CRX: variants seen among roughly 807,000 people sequenced by gnomAD.
The protein encoded by CRX is cone-rod homeobox.
In CRX, 5 loss-of-function variants were observed where a neutral mutation model predicts 13.1. The ratio of observed to expected loss-of-function variants is 0.38; its 90% CI spans 0.20 to 0.80. The LOEUF is 0.80. Ranked by LOEUF, CRX falls within the 30% of genes least tolerant of loss-of-function variation. CRX has a pLI of 0.43. For missense variants in CRX, 351 were observed against 391.8 expected, an observed-to-expected ratio of 0.90 and a Z score of 0.88; for synonymous variants, 179 against 171.1, an observed-to-expected ratio of 1.05 and a Z score of -0.36.
At chr19:47,827,855 A>T (rs939654874) in intron 1 of CRX, among the ~76,000 whole-genome samples, 6 of 96,994 alleles carry the variant, frequency 6.2e-5, no homozygotes, top group Non-Finnish European at 1.5e-4. Context: ...AAAAAAAAAA[A>T]AAAAAAAAAA....
intron 1 of CRX, among the ~76,000 whole-genome samples, chr19:47,822,960 T>C (rs1451322605): frequency 6.6e-6 from 1 of 150,422 alleles, no homozygotes; most frequent in Non-Finnish European, 1.5e-5. Flanking sequence ...TGCCCAGCTA[T>C]TTTTTGTATT....
chr19:47,834,415 T>C lies in CRX; in HGVS notation c.-29T>C. The C allele has an allele frequency of 6.5e-7, 1 of 1,545,108 alleles. No individual in the cohort carries two copies. The highest frequency in any genetic ancestry group is 9.0e-7 in the Non-Finnish European group (1 of 1,117,098). On this transcript the variant is annotated 5_prime_UTR_variant, in exon 2 of 4. Coordinates refer to ENST00000221996, the MANE Select transcript of CRX (RefSeq NM_000554.6). The stretch of plus-strand genomic sequence containing the variant: ...CCCTCCTCTTCTCTTGCAGGCCCCC[T>C]GACTTGGGCCTCAGTGTCCCCGAAG...
At chr19:47,828,467 G>A (rs1048044228) in intron 1 of CRX, among the ~76,000 whole-genome samples, 11 of 151,984 alleles carry the variant, frequency 7.2e-5, no homozygotes, top group African/African-American at 2.7e-4. Context: ...ATATTTATTG[G>A]GGGTGCTGGG....
intron 1 of CRX, among the ~76,000 whole-genome samples, chr19:47,828,102 C>T (rs1370269736): frequency 2.0e-5 from 3 of 151,132 alleles, no homozygotes; most frequent in Non-Finnish European, 4.4e-5. Context: ...TGCAGTGAGC[C>T]GAGATCAAGC....
chr19:47,836,434 G>T, intron 3 of CRX, 40 bp downstream of exon 3: 3 of 1,613,860 alleles, frequency 1.9e-6, no homozygotes, highest in Non-Finnish European at 2.5e-6. Flanking sequence ...GACACTTCCT[G>T]TGATCTCAGG....
chr19:47,836,029 G>A (rs991972245), intron 2 of CRX, among the ~76,000 whole-genome samples: 6 of 152,156 alleles, frequency 3.9e-5, no homozygotes, highest in Admixed American at 6.6e-5. Context: ...AAAACGACTC[G>A]CACACCTCCT....
Position 47,836,234 on chromosome 19 carries a change from C to G in CRX, c.101-9C>G. The G allele has an allele frequency of 6.2e-7, 1 of 1,614,140 alleles. No individual in the cohort carries two copies. Among genetic ancestry groups the G allele is most frequent in the South Asian group, 1.1e-5 (1 of 91,086 alleles). On this transcript the variant is annotated splice_polypyrimidine_tract_variant and intron_variant, in intron 2 of 3. Transcript: ENST00000221996. The stretch of plus-strand genomic sequence containing the variant: ...TGACCTGAGGGTCCTGTTTCCCATC[C>G]CACCCCAGGCGCCCCCAGGAAGCAG...
At chr19:47,822,621 A>C (rs898022511) in intron 1 of CRX, among the ~76,000 whole-genome samples, 2 of 152,184 alleles carry the variant, frequency 1.3e-5, no homozygotes, top group African/African-American at 4.8e-5. Context: ...CGAGAGAGCC[A>C]GGAATGTGAT....
chr19:47,832,126 G>C (rs1412963058), intron 1 of CRX, among the ~76,000 whole-genome samples: 2 of 31,288 alleles, frequency 6.4e-5, no homozygotes, highest in African/African-American at 1.1e-4. Flanking sequence ...TTTTTTTTGA[G>C]ACGGAGTCTC....
At chr19:47,825,008 T>TTTG (rs1555800861) in intron 1 of CRX, among the ~76,000 whole-genome samples, 1 of 149,042 alleles carries the variant, frequency 6.7e-6, no homozygotes, top group African/African-American at 2.5e-5. Context: ...TTTTTTTTTT[T>TTTG]GGGATGGAGT....
chr19:47,828,470 G>A (rs1968003339), intron 1 of CRX, among the ~76,000 whole-genome samples: 2 of 152,052 alleles, frequency 1.3e-5, no homozygotes, highest in Admixed American at 1.3e-4. Context: ...TTTATTGGGG[G>A]TGCTGGGGAC....
intron 2 of CRX, 51 bp downstream of exon 2, chr19:47,834,594 G>A (rs1968093987): frequency 6.8e-7 from 1 of 1,460,238 alleles, no homozygotes; most frequent in Non-Finnish European, 9.6e-7. Context: ...ATCTCTTGGA[G>A]GACCTCTGGG....
At chr19:47,822,736 G>A (rs1967927365) in intron 1 of CRX, among the ~76,000 whole-genome samples, 1 of 152,100 alleles carries the variant, frequency 6.6e-6, no homozygotes, top group East Asian at 1.9e-4. Flanking sequence ...GAATCCTCAC[G>A]CCCCCGCCCT....
chr19:47,828,492 C>T (rs1318735580), intron 1 of CRX, among the ~76,000 whole-genome samples: 3 of 151,782 alleles, frequency 2.0e-5, no homozygotes, highest in Non-Finnish European at 2.9e-5. Context: ...TGGCAGGAAC[C>T]GAGATATTAC....
chr19:47,835,717 G>A (rs1283140968), intron 2 of CRX, among the ~76,000 whole-genome samples: 1 of 150,870 alleles, frequency 6.6e-6, no homozygotes, highest in African/African-American at 2.5e-5. Flanking sequence ...TGCCTTCTGG[G>A]TTCAAGCGAT....
chr19:47,828,939 C>CAA (rs1968011031), intron 1 of CRX, among the ~76,000 whole-genome samples: 1 of 118,424 alleles, frequency 8.4e-6, no homozygotes, highest in African/African-American at 3.4e-5. Flanking sequence ...CACACACACA[C>CAA]ACAATTAAAA....
intron 2 of CRX, among the ~76,000 whole-genome samples, chr19:47,835,320 A>T (rs1024559150): frequency 1.3e-5 from 2 of 151,554 alleles, no homozygotes; most frequent in Non-Finnish European, 2.9e-5. Flanking sequence ...AGCCTCCCAA[A>T]GTGCTGGGAT....
intron 1 of CRX, among the ~76,000 whole-genome samples, chr19:47,826,514 A>T (rs571038999): frequency 2.0e-5 from 3 of 152,252 alleles, no homozygotes; most frequent in Admixed American, 6.5e-5. Flanking sequence ...CTGAGGTGGG[A>T]GGATGGCTTG....
intron 1 of CRX, among the ~76,000 whole-genome samples, chr19:47,832,355 C>T (rs1461886675): frequency 4.0e-5 from 6 of 151,282 alleles, no homozygotes; most frequent in African/African-American, 1.5e-4. Flanking sequence ...ATCTGCCTGC[C>T]TTGGCCTCCC....
Sources: gnomAD v4.1 joint callset for allele counts (sites outside exome capture counted in the v4.1 genomes callset) on GRCh38, gnomAD v4.1.1 for gene constraint, MANE v1.5 for transcripts, NCBI Gene and HGNC (gene_info 2026-07-23, HGNC 2026-07-21) for gene names.